Variants in KDM5B observed in about 807,000 individuals in gnomAD.
The protein encoded by KDM5B is lysine-specific demethylase 5B.
Under a neutral mutation model 193.4 loss-of-function variants are expected in KDM5B, and 144 were observed. The ratio of observed to expected loss-of-function variants is 0.74; its 90% CI spans 0.65 to 0.86. The LOEUF (loss-of-function observed/expected upper bound fraction) is 0.86, where lower values mean the gene tolerates loss of function less well. KDM5B is among the 40% of genes least tolerant of loss of function. The pLI is 0.00. For missense variants in KDM5B, 1,833 were observed against 1,886.9 expected (o/e 0.97, Z 0.53); for synonymous variants, 668 against 682.6 (o/e 0.98, Z 0.33).
intron 1 of KDM5B, 96 bp downstream of exon 1, chr1:202,808,006 G>C: frequency 7.9e-7 from 1 of 1,270,892 alleles, no homozygotes; most frequent in Non-Finnish European, 1.1e-6. Context: ...GGGGCGACCG[G>C]CTCCCCGCCC....
chr1:202,742,196 T>G (rs1458438345), intron 18 of KDM5B, among the ~76,000 whole-genome samples, 195 bp downstream of exon 18: 2 of 152,116 alleles, frequency 1.3e-5, no homozygotes, highest in Non-Finnish European at 2.9e-5. Flanking sequence ...AAGTAAAAAT[T>G]TCCAACTTTA....
At chr1:202,745,816 C>T in intron 16 of KDM5B, 42 bp downstream of exon 16, 4 of 1,610,030 alleles carry the variant, frequency 2.5e-6, no homozygotes, top group Non-Finnish European at 3.4e-6. Context: ...TCACAATAAG[C>T]CCCAATTTGC....
chr1:202,781,057 T>C (rs1657177780), intron 1 of KDM5B, among the ~76,000 whole-genome samples: 1 of 152,216 alleles, frequency 6.6e-6, no homozygotes, highest in Non-Finnish European at 1.5e-5. Flanking sequence ...GGCTCATGCC[T>C]ATAATCTCAG....
chr1:202,802,319 A>G (rs1272876932), intron 1 of KDM5B, among the ~76,000 whole-genome samples: 1 of 152,176 alleles, frequency 6.6e-6, no homozygotes, highest in African/African-American at 2.4e-5. Flanking sequence ...AAAAGGTCCC[A>G]TTACAGCATT....
intron 15 of KDM5B, 35 bp from the exon 16 acceptor site, chr1:202,746,017 G>A (rs762459567): frequency 6.8e-6 from 11 of 1,612,256 alleles, no homozygotes; most frequent in African/African-American, 5.3e-5. Context: ...GCTTTGAGAC[G>A]TGTAGCTTTG....
chr1:202,735,336 C>T, intron 22 of KDM5B, 93 bp downstream of exon 22: 1 of 1,344,836 alleles, frequency 7.4e-7, no homozygotes. Context: ...TCAAGTTACT[C>T]TACTTGCCTT....
At chr1:202,785,273 C>T (rs944148369) in intron 1 of KDM5B, among the ~76,000 whole-genome samples, 7 of 152,164 alleles carry the variant, frequency 4.6e-5, no homozygotes, top group Non-Finnish European at 7.3e-5. Flanking sequence ...TGTCAACTAG[C>T]ACATTTTATC....
At chr1:202,757,043 T>C (rs538688849) in intron 9 of KDM5B, among the ~76,000 whole-genome samples, 72 of 151,510 alleles carry the variant, frequency 4.8e-4, no homozygotes, top group Non-Finnish European at 4.6e-4. Flanking sequence ...ATGGGTTTCA[T>C]GGAAGGCAAT....
chr1:202,803,092 T>C (rs1658139280), intron 1 of KDM5B, among the ~76,000 whole-genome samples: 1 of 151,496 alleles, frequency 6.6e-6, no homozygotes, highest in African/African-American at 2.4e-5. Context: ...GCCCAAGAAG[T>C]GGAAGCTGCA....
intron 18 of KDM5B, 22 bp from the exon 19 acceptor site, chr1:202,741,744 G>A: frequency 7.0e-7 from 1 of 1,429,816 alleles, no homozygotes; most frequent in South Asian, 1.2e-5. Flanking sequence ...TACACAGGTT[G>A]TTGCATTAAA....
chr1:202,744,221 A>G lies in KDM5B; in HGVS notation c.2324-1416T>C, dbSNP rs149964654. Among the ~76,000 whole-genome samples the G allele has an allele frequency of 1.2e-4, 19 of 152,352 alleles. 1 individual carries two copies. The East Asian group carries it at 3.5e-3, about 28-fold the overall frequency. On this transcript the variant is annotated intron_variant, in intron 16 of 26. Coordinates refer to ENST00000367265, the MANE Select transcript of KDM5B (RefSeq NM_006618.5). ...CATACGTATGGCCAACAATCATATGAAAAAAAGCTCAACATCACTGATCAT... is the reference window on the plus strand; with the variant it reads ...CATACGTATGGCCAACAATCATATGGAAAAAAGCTCAACATCACTGATCAT...
Position 202,808,224 on chromosome 1 carries a change from G to A in KDM5B, c.82C>T (p.Pro28Ser), listed in dbSNP as rs780105099. The part of the protein sequence containing the change: ...GGPGPLGEFL[P>S]PPECPVFEPS... ...TCGAAGACCGGGCACTCGGGTGGAG[G>A]CAGGAACTCGCCCAGCGGGCCCGGG... The change falls in exon 1 of 27, where the codon CCT becomes TCT. Residue 28 changes from proline (P) to serine (S), a missense_variant. By Grantham distance (74) the Pro-to-Ser change is moderately conservative. This residue lies in a region of KDM5B where 355 missense variants were observed against 374.9 expected (regional missense o/e 0.95). Coordinates refer to ENST00000367265, the MANE Select transcript of KDM5B (RefSeq NM_006618.5). 2 of 1,612,436 alleles carry A rather than the reference G, an allele frequency of 1.2e-6. No homozygotes were observed. Among genetic ancestry groups the A allele is most frequent in the East Asian group, 2.2e-5 (1 of 44,834 alleles).
chr1:202,765,327 T>A (rs980927281), intron 5 of KDM5B, among the ~76,000 whole-genome samples: 12 of 152,258 alleles, frequency 7.9e-5, no homozygotes, highest in Admixed American at 6.5e-4. Context: ...TTTCTTAAAG[T>A]GCTGATACTT....
chr1:202,777,004 G>T lies in KDM5B; in HGVS notation c.282+13C>A. ...TGGAATACAGGCAAACAGAACAATAGTGAAGACATTACCTCCAATTCATTC... is the reference window on the plus strand; with the variant it reads ...TGGAATACAGGCAAACAGAACAATATTGAAGACATTACCTCCAATTCATTC... On this transcript the variant is annotated intron_variant, in intron 2 of 26. Transcript: ENST00000367265. 6.4e-7 allele frequency: 1 copy of T among 1,567,410 alleles called. No homozygotes were observed. The highest frequency in any genetic ancestry group is 8.8e-7 in the Non-Finnish European group (1 of 1,137,702).
rs776387548 is a variant in KDM5B at position 202,808,149 on chromosome 1, G to T, written c.157C>A (p.Arg53=). The change falls in exon 1 of 27, where the codon CGG becomes AGG. Residue 53 remains arginine, a synonymous_variant. Transcript: ENST00000367265. The part of the protein sequence containing the change: ...ADPFAFIHKI[R]PIAEQTGICK... Reference sequence around the variant, plus strand: ...ATGCCAGTCTGCTCGGCTATGGGCCGGATCTTGTGGATGAAAGCGAAGGGG... The same window carrying T: ...ATGCCAGTCTGCTCGGCTATGGGCCTGATCTTGTGGATGAAAGCGAAGGGG... 10 of 1,613,038 alleles carry T rather than the reference G, an allele frequency of 6.2e-6. No homozygotes were observed. In the South Asian group the frequency reaches 1.1e-4, roughly 18 times the overall value.
intron 4 of KDM5B, among the ~76,000 whole-genome samples, chr1:202,770,503 T>A (rs1656668633): frequency 6.6e-6 from 1 of 152,150 alleles, no homozygotes; most frequent in African/African-American, 2.4e-5. Flanking sequence ...GAAATAGGTG[T>A]AAAAATTTAC....
At chr1:202,799,076 C>T (rs1657969141) in intron 1 of KDM5B, among the ~76,000 whole-genome samples, 1 of 152,140 alleles carries the variant, frequency 6.6e-6, no homozygotes, top group South Asian at 2.1e-4. Context: ...GTGTACTTGG[C>T]ACTAACCCTT....
intron 20 of KDM5B, 25 bp downstream of exon 20, chr1:202,740,649 T>C (rs752230757): frequency 6.3e-7 from 1 of 1,594,916 alleles, no homozygotes; most frequent in South Asian, 1.1e-5. Context: ...ACTTACACAT[T>C]CTGTATATAC....
At chr1:202,743,348 A>C (rs978126921) in intron 16 of KDM5B, among the ~76,000 whole-genome samples, 2 of 151,164 alleles carry the variant, frequency 1.3e-5, no homozygotes, top group Non-Finnish European at 3.0e-5. Context: ...AAAAAAAAAA[A>C]AAAAAAAAAA....
Sources: gnomAD v4.1 joint callset for allele counts (sites outside exome capture counted in the v4.1 genomes callset) on GRCh38, gnomAD v4.1.1 for gene constraint, gnomAD v4.1.1 regional missense constraint, MANE v1.5 for transcripts, NCBI Gene and HGNC (gene_info 2026-07-23, HGNC 2026-07-21) for gene names.